PIK3CG: variants seen among roughly 807,000 people sequenced by gnomAD.
The protein encoded by PIK3CG is phosphatidylinositol 4,5-bisphosphate 3-kinase catalytic subunit gamma isoform.
Under a neutral mutation model 102.3 loss-of-function variants are expected in PIK3CG, and 55 were observed. The observed-to-expected ratio is 0.54, with a 90% CI of 0.43 to 0.67. The LOEUF (loss-of-function observed/expected upper bound fraction) is 0.67, where lower values mean the gene tolerates loss of function less well. Ranked by LOEUF, PIK3CG falls within the 30% of genes least tolerant of loss-of-function variation. The pLI, the probability that PIK3CG is intolerant of heterozygous loss-of-function variation, is 0.00. For synonymous variants in PIK3CG, 552 were observed against 540.0 expected (o/e 1.02, Z -0.31); for missense variants, 1,258 against 1,391.8 (o/e 0.90, Z 1.53).
chr7:106,885,598 G>A (rs1353021304), intron 9 of PIK3CG, among the ~76,000 whole-genome samples: 2 of 151,644 alleles, frequency 1.3e-5, no homozygotes, highest in South Asian at 2.1e-4. Flanking sequence ...GATGATTATT[G>A]TGGTGGTGAT....
rs561045012 is a variant in PIK3CG at position 106,877,807 on chromosome 7, G to C, written c.2392-1712G>C. Among the ~76,000 whole-genome samples the C allele has an allele frequency of 1.3e-3, 202 of 152,218 alleles. 3 individuals are homozygous for C. The highest frequency in any genetic ancestry group is 1.3e-3 in the Non-Finnish European group (86 of 68,010). On this transcript the variant is annotated intron_variant, in intron 5 of 10. Coordinates refer to ENST00000496166, the MANE Select transcript of PIK3CG (RefSeq NM_001282426.2). This position sits in a 1 kb window ranked among gnomAD's most constrained non-coding sequence, Gnocchi z 4.5. ...AAATAACAAAGCACTTCATATACGT[G>C]TGCTTATACAGGCAACAGTATACTT...
chr7:106,899,392 ATAC>A lies in PIK3CG; in HGVS notation c.3031-5714_3031-5712del, dbSNP rs1324089978. Reference sequence around the variant, plus strand: ...CTGATTGCTCTGGCCAGGACTTCCAATACTATGTTGAATAGAAGTGGTGAGAGA... The same window carrying A: ...CTGATTGCTCTGGCCAGGACTTCCAATATGTTGAATAGAAGTGGTGAGAGA... On this transcript the variant is annotated intron_variant, in intron 10 of 10. Transcript: ENST00000496166. This position sits in a 1 kb window ranked among gnomAD's most constrained non-coding sequence, Gnocchi z 4.6. Among the ~76,000 whole-genome samples, 8 of 152,180 alleles carry A rather than the reference ATAC, an allele frequency of 5.3e-5. No homozygotes were observed. The highest frequency in any genetic ancestry group is 1.9e-4 in the African/African-American group (8 of 41,438).
chr7:106,881,814 C>T (rs1790943195), intron 6 of PIK3CG, among the ~76,000 whole-genome samples: 1 of 152,130 alleles, frequency 6.6e-6, no homozygotes. Flanking sequence ...CACACCACTG[C>T]ACTCCAGGCT....
Position 106,867,995 on chromosome 7 carries a change from A to G in PIK3CG, c.434A>G (p.Glu145Gly), listed in dbSNP as rs770504377. The change falls in exon 2 of 11, where the codon GAG becomes GGG. Residue 145 changes from glutamate to glycine, a missense_variant. Glu to Gly is a moderately conservative substitution (Grantham distance 98). Around this residue, in one of 2 missense-constraint regions of PIK3CG, gnomAD observed 832 missense variants for 787.5 expected, o/e 1.06. Transcript: ENST00000496166. This position sits in a 1 kb window ranked among gnomAD's most constrained non-coding sequence, Gnocchi z 5.1. ...IHLVQRHPPS[E>G]ESQAFQRQLT... ...CTGGTGCAGCGGCACCCGCCCTCCG[A>G]GGAGTCCCAAGCCTTCCAGCGGCAG... The G allele has an allele frequency of 6.2e-7, 1 of 1,612,300 alleles. No homozygotes were observed. Among genetic ancestry groups the G allele is most frequent in the South Asian group, 1.1e-5 (1 of 91,052 alleles).
intron 7 of PIK3CG, 116 bp from the exon 8 acceptor site, chr7:106,882,917 C>T: frequency 2.4e-6 from 1 of 412,254 alleles, no homozygotes; most frequent in Non-Finnish European, 3.9e-6. Context: ...GCTCTCTGGT[C>T]AAAAAAAAAA....
At chr7:106,871,734 A>G (rs1166985710) in intron 2 of PIK3CG, among the ~76,000 whole-genome samples, 11 of 152,270 alleles carry the variant, frequency 7.2e-5, no homozygotes, top group Admixed American at 3.3e-4. Flanking sequence ...ACAGAGAACA[A>G]TGAAACACCT....
chr7:106,891,283 T>G lies in PIK3CG; in HGVS notation c.3030+4991T>G, dbSNP rs1220025504. Among the ~76,000 whole-genome samples the G allele has an allele frequency of 6.6e-6, 1 of 152,194 alleles. No homozygotes were observed. Among genetic ancestry groups the G allele is most frequent in the Non-Finnish European group, 1.5e-5 (1 of 68,030 alleles). On this transcript the variant is annotated intron_variant, in intron 10 of 10. Transcript: ENST00000496166. The surrounding 1 kb of genome is among the most constrained non-coding windows in gnomAD (Gnocchi z 4.4). ...GTTTCACAATAACTCAGGCCCAGATTGACAGACCATCATCACATGGAAGGT... is the reference window on the plus strand; with the variant it reads ...GTTTCACAATAACTCAGGCCCAGATGGACAGACCATCATCACATGGAAGGT...
In PIK3CG at chr7:106,894,621, AT is replaced by A. The variant is rs1325535750; in HGVS notation, c.3030+8330del. On this transcript the variant is annotated intron_variant, in intron 10 of 10. Coordinates refer to ENST00000496166, the MANE Select transcript of PIK3CG (RefSeq NM_001282426.2). The surrounding 1 kb of genome is among the most constrained non-coding windows in gnomAD (Gnocchi z 4.4). ...CATTGATTTTTATTAAAAAAACAAA[AT>A]AACAAAATAAAATTCTCTGCCTTTG... is the stretch of plus-strand genomic sequence containing the variant. Among the ~76,000 whole-genome samples the A allele has an allele frequency of 2.0e-5, 3 of 152,336 alleles. No homozygotes were observed. The highest frequency in any genetic ancestry group is 4.1e-4 in the South Asian group (2 of 4,824).
intron 7 of PIK3CG, chr7:106,882,520 C>T (rs1790971059): frequency 4.8e-6 from 1 of 208,374 alleles, no homozygotes; most frequent in South Asian, 1.9e-4. Context: ...TCACAAAAAA[C>T]ATTTAAAAAT....
At position 106,890,316 on chromosome 7, in the gene PIK3CG, G is replaced by A. The variant is rs994915485; in HGVS notation, c.3030+4024G>A. ...CCTGCCTCAGCCTTCCAAGTAGCTGGGACTACAGGCGCCTGCCACCACATC... is the reference window on the plus strand; with the variant it reads ...CCTGCCTCAGCCTTCCAAGTAGCTGAGACTACAGGCGCCTGCCACCACATC... On this transcript the variant is annotated intron_variant, in intron 10 of 10. Coordinates refer to ENST00000496166, the MANE Select transcript of PIK3CG (RefSeq NM_001282426.2). The surrounding 1 kb of genome is among the most constrained non-coding windows in gnomAD (Gnocchi z 4.2). Among the ~76,000 whole-genome samples the A allele has an allele frequency of 6.6e-6, 1 of 152,116 alleles. No individual in the cohort carries two copies. The highest frequency in any genetic ancestry group is 1.5e-5 in the Non-Finnish European group (1 of 68,022).
Position 106,867,991 on chromosome 7 carries a change from T to C in PIK3CG, c.430T>C (p.Ser144Pro), listed in dbSNP as rs777561628. ...CCACCTGGTGCAGCGGCACCCGCCC[T>C]CCGAGGAGTCCCAAGCCTTCCAGCG... ...QIHLVQRHPPSEESQAFQRQL... is the reference protein window; with the variant it reads ...QIHLVQRHPPPEESQAFQRQL... The change falls in exon 2 of 11, where the codon TCC becomes CCC. Residue 144 changes from serine to proline, a missense_variant. Ser to Pro is a moderately conservative substitution (Grantham distance 74, BLOSUM62 -1). Around this residue, in one of 2 missense-constraint regions of PIK3CG, gnomAD observed 832 missense variants for 787.5 expected, o/e 1.06. Transcript: ENST00000496166. This position sits in a 1 kb window ranked among gnomAD's most constrained non-coding sequence, Gnocchi z 5.1. 1.1e-5 allele frequency: 18 copies of C among 1,612,078 alleles called. No homozygotes were observed. Among genetic ancestry groups the C allele is most frequent in the Non-Finnish European group, 1.5e-5 (18 of 1,179,176 alleles).
At position 106,868,702 on chromosome 7, in the gene PIK3CG, G is replaced by A; in HGVS notation, c.1141G>A (p.Val381Ile). Residue 381 changes from valine to isoleucine, a missense_variant, in exon 2 of 11, where the codon GTT (valine) becomes ATT (isoleucine). By Grantham distance (29) the Val-to-Ile change is conservative (BLOSUM62 3). Transcript: ENST00000496166. This position sits in a 1 kb window ranked among gnomAD's most constrained non-coding sequence, Gnocchi z 6.2. ...CCTGCCTCGGAACACCGACCTCACA[G>A]TTTTTGTAGAGGCAAACATCCAGCA... ...PVLPRNTDLTVFVEANIQHGQ... is the reference protein window; with the variant it reads ...PVLPRNTDLTIFVEANIQHGQ... The A allele has an allele frequency of 6.2e-7, 1 of 1,614,236 alleles. No homozygotes were observed. The highest frequency in any genetic ancestry group is 8.5e-7 in the Non-Finnish European group (1 of 1,180,042).
In PIK3CG at chr7:106,890,660, C is replaced by G. The variant is rs1028706461; in HGVS notation, c.3030+4368C>G. On this transcript the variant is annotated intron_variant, in intron 10 of 10. Coordinates refer to ENST00000496166, the MANE Select transcript of PIK3CG (RefSeq NM_001282426.2). This position sits in a 1 kb window ranked among gnomAD's most constrained non-coding sequence, Gnocchi z 4.2. The stretch of plus-strand genomic sequence containing the variant: ...AAATTAATCAGCATTTGCTTAAAAA[C>G]TGAACTTAAGAAATAGATATGTTCG... Among the ~76,000 whole-genome samples, 4 of 152,258 alleles carry G rather than the reference C, an allele frequency of 2.6e-5. No individual in the cohort carries two copies. Among genetic ancestry groups the G allele is most frequent in the Non-Finnish European group, 5.9e-5 (4 of 68,048 alleles).
chr7:106,875,004 T>A (rs1790677307), intron 5 of PIK3CG, among the ~76,000 whole-genome samples: 1 of 152,202 alleles, frequency 6.6e-6, no homozygotes. Context: ...CCATATTTTT[T>A]AAAATCAGCT....
chr7:106,875,861 A>G (rs1360411012), intron 5 of PIK3CG, among the ~76,000 whole-genome samples: 1 of 149,176 alleles, frequency 6.7e-6, no homozygotes, highest in Non-Finnish European at 1.5e-5. Context: ...GATGAGTTCT[A>G]GTTGTTTCAC....
intron 7 of PIK3CG, 100 bp downstream of exon 7, chr7:106,882,307 T>TAAAAGGAAGAAAGGAAGAAAAGGAAGA: frequency 2.0e-6 from 1 of 490,400 alleles, no homozygotes; most frequent in South Asian, 5.5e-5. Flanking sequence ...ATCATAATCT[T>TAAAAGGAAGAAAGGAAGAAAAGGAAGA]AATCTGTATA....
intron 10 of PIK3CG, among the ~76,000 whole-genome samples, chr7:106,904,403 C>T (rs978036583): frequency 1.3e-5 from 2 of 152,092 alleles, no homozygotes; most frequent in African/African-American, 4.8e-5. Flanking sequence ...AAAATTGAGA[C>T]TCTTGCATTT....
Position 106,873,864 on chromosome 7 carries a change from G to T in PIK3CG, c.2288-836G>T, listed in dbSNP as rs997908978. ...TTAATCACTCCTTCTCTGTATTTCT[G>T]TAGATTTTGATTGATACTACATTAA... On this transcript the variant is annotated intron_variant, in intron 4 of 10. Transcript: ENST00000496166. Among the ~76,000 whole-genome samples the T allele has an allele frequency of 4.6e-5, 7 of 152,136 alleles. No homozygotes were observed. The South Asian group carries it at 1.2e-3, about 27-fold the overall frequency.
intron 2 of PIK3CG, among the ~76,000 whole-genome samples, chr7:106,870,923 T>G (rs1369515604): frequency 1.3e-5 from 2 of 152,236 alleles, no homozygotes; most frequent in Non-Finnish European, 2.9e-5. Context: ...ATCTTCAGTT[T>G]TCTAGCTCTC....
Sources: gnomAD v4.1 joint callset for allele counts (sites outside exome capture counted in the v4.1 genomes callset) on GRCh38, gnomAD v4.1.1 for gene constraint, gnomAD v4.1.1 regional missense constraint, Gnocchi (gnomAD v3.1) non-coding constraint, MANE v1.5 for transcripts, NCBI Gene and HGNC (gene_info 2026-07-23, HGNC 2026-07-21) for gene names.